The following EFTUD2 variants were observed in gnomAD, a reference collection of about 807,000 sequenced individuals.
EFTUD2 encodes the protein 116 kDa U5 small nuclear ribonucleoprotein component.
EFTUD2 carries 9 observed loss-of-function variants against 114.3 expected under a neutral mutation model. That is an observed-to-expected ratio of 0.08 (90% CI 0.05 to 0.14). The LOEUF (loss-of-function observed/expected upper bound fraction) is 0.14, where lower values mean the gene tolerates loss of function less well. Ranked by LOEUF, EFTUD2 falls within the 10% of genes least tolerant of loss-of-function variation. The probability of loss-of-function intolerance (pLI) is 1.00; values close to 1 mark genes in which losing one functional copy is unlikely to be tolerated. For synonymous variants in EFTUD2, 449 were observed against 462.3 expected (o/e 0.97, Z 0.37); for missense variants, 765 against 1,241.2 (o/e 0.62, Z 5.76).
rs757583227 is a variant in EFTUD2, at chr17:44,885,305, T to C, written c.301A>G (p.Lys101Glu). The C allele has an allele frequency of 1.2e-6, 2 of 1,614,056 alleles. No homozygotes were observed. Among genetic ancestry groups the C allele is most frequent in the South Asian group, 2.2e-5 (2 of 91,088 alleles). Residue 101 changes from lysine (K) to glutamate (E), a missense_variant, in exon 4 of 28, where the codon AAA (lysine) becomes GAA (glutamate). Lys to Glu is a moderately conservative substitution (Grantham distance 56, BLOSUM62 1). Coordinates refer to ENST00000426333, the MANE Select transcript of EFTUD2 (RefSeq NM_004247.4). ...AATGTCTGCTCCATCAGAGTGAATT[T>C]CTTGGTTTTCACTGGCTTAATAATG... ...EPIIKPVKTK[K>E]FTLMEQTLPV...
chr17:44,896,245 C>G (rs1017647889), intron 1 of EFTUD2, among the ~76,000 whole-genome samples: 1 of 152,190 alleles, frequency 6.6e-6, no homozygotes, highest in Non-Finnish European at 1.5e-5. Context: ...TTCAAAGAAA[C>G]AGTTCAAATG....
chr17:44,867,772 GAGC>G (rs746138077), intron 13 of EFTUD2, 32 bp downstream of exon 13: 40 of 1,498,812 alleles, frequency 2.7e-5, no homozygotes, highest in Non-Finnish European at 3.1e-5. Flanking sequence ...GTGCTTATAA[GAGC>G]AGATCTGCCC....
In EFTUD2 at chr17:44,852,506, G is replaced by C; in HGVS notation, c.2618C>G (p.Ala873Gly). ...AAAAGAGTCGATGGCCGGGATAAAA[G>C]CTTTGATGGTGTACAGAGGGGAGCC... ...IPGSPLYTIK[A>G]FIPAIDSFGF... Residue 873 changes from alanine (A) to glycine (G), a missense_variant, in exon 26 of 28, where the codon GCT becomes GGT. Physicochemically the swap from Ala to Gly is moderately conservative, Grantham distance 60 (BLOSUM62 0). Coordinates refer to ENST00000426333, the MANE Select transcript of EFTUD2 (RefSeq NM_004247.4). 1 of 1,614,180 alleles carries C rather than the reference G, an allele frequency of 6.2e-7. No homozygotes were observed. The highest frequency in any genetic ancestry group is 8.5e-7 in the Non-Finnish European group (1 of 1,180,040).
chr17:44,854,106 A>G lies in EFTUD2; in HGVS notation c.2347+163T>C. 2 of 1,441,882 alleles carry G rather than the reference A, an allele frequency of 1.4e-6. No homozygotes were observed. The highest frequency in any genetic ancestry group is 1.8e-6 in the Non-Finnish European group (2 of 1,093,030). The allele number at this position is 1,441,882 out of a possible 1,614,324, so 89.3% of individuals were successfully genotyped here. Reference sequence around the variant, plus strand: ...TCCATTTCCAGGCTACACCACCAGGATAAGGAAGGAAAAGGGAAGAAGCTG... The same window carrying G: ...TCCATTTCCAGGCTACACCACCAGGGTAAGGAAGGAAAAGGGAAGAAGCTG... On this transcript the variant is annotated intron_variant, in intron 23 of 27. Coordinates refer to ENST00000426333, the MANE Select transcript of EFTUD2 (RefSeq NM_004247.4). The surrounding 1 kb of genome is among the most constrained non-coding windows in gnomAD (Gnocchi z 4.3).
intron 6 of EFTUD2, among the ~76,000 whole-genome samples, chr17:44,882,349 T>C (rs904342525): frequency 2.0e-5 from 3 of 152,132 alleles, no homozygotes; most frequent in African/African-American, 7.2e-5. Flanking sequence ...CCACCCAGGT[T>C]CAAGCGATTC....
At chr17:44,870,872 G>A (rs1371495131) in intron 11 of EFTUD2, among the ~76,000 whole-genome samples, 1 of 151,990 alleles carries the variant, frequency 6.6e-6, no homozygotes, top group Non-Finnish European at 1.5e-5. Flanking sequence ...ACAAAAATTA[G>A]CTGGGCATGG....
chr17:44,892,797 C>A (rs999133767), intron 2 of EFTUD2, among the ~76,000 whole-genome samples: 4 of 151,818 alleles, frequency 2.6e-5, no homozygotes, highest in Non-Finnish European at 5.9e-5. Flanking sequence ...ACCACCACAC[C>A]CAGCTAATTT....
rs368015101 is a variant in EFTUD2, at chr17:44,894,541, A to T, written c.-4-16T>A. The T allele has an allele frequency of 6.3e-7, 1 of 1,588,606 alleles. No individual in the cohort carries two copies. Among genetic ancestry groups the T allele is most frequent in the South Asian group, 1.1e-5 (1 of 90,570 alleles). On this transcript the variant is annotated splice_polypyrimidine_tract_variant and intron_variant, in intron 1 of 27. Transcript: ENST00000426333. ...ATCCATGATGCTAAAATTCAAGGAG[A>T]GAAGAGTTAGATTCTGACAAGGTAA...
chr17:44,875,996 C>A lies in EFTUD2; in HGVS notation c.807G>T (p.Leu269=). The A allele has an allele frequency of 6.2e-7, 1 of 1,614,144 alleles. No homozygotes were observed. Among genetic ancestry groups the A allele is most frequent in the Non-Finnish European group, 8.5e-7 (1 of 1,180,044 alleles). ...GCTTGTAATAAGCATCAGTTGGAGGCAGCTTCAGCTCCAGGATCAGCCGGT... is the reference window on the plus strand; with the variant it reads ...GCTTGTAATAAGCATCAGTTGGAGGAAGCTTCAGCTCCAGGATCAGCCGGT... ...KIDRLILELK[L]PPTDAYYKLR... Residue 269 remains leucine (L), a synonymous_variant, in exon 10 of 28, where the codon CTG becomes CTT. Coordinates refer to ENST00000426333, the MANE Select transcript of EFTUD2 (RefSeq NM_004247.4).
chr17:44,853,440 C>T (rs1350914182), intron 24 of EFTUD2, 50 bp from the exon 25 acceptor site: 2 of 1,611,884 alleles, frequency 1.2e-6, no homozygotes, highest in Non-Finnish European at 1.7e-6. Flanking sequence ...AGGCTGGGGG[C>T]CTATAGTCCC....
At chr17:44,884,140 C>A in intron 4 of EFTUD2, 1 of 175,616 alleles carries the variant, frequency 5.7e-6, no homozygotes, top group Non-Finnish European at 1.2e-5. Flanking sequence ...CAGAGGCTCA[C>A]GCCTGTAATC....
In EFTUD2 at chr17:44,850,618, T is replaced by C. The variant is rs141840096; in HGVS notation, c.*656A>G. On this transcript the variant is annotated 3_prime_UTR_variant, in exon 28 of 28. Coordinates refer to ENST00000426333, the MANE Select transcript of EFTUD2 (RefSeq NM_004247.4). Reference sequence around the variant, plus strand: ...GGAAGATTCTTAGGGGAGGCAGCAGTTTCCTGAGGAGGTGGTGGGGTAGAC... The same window carrying C: ...GGAAGATTCTTAGGGGAGGCAGCAGCTTCCTGAGGAGGTGGTGGGGTAGAC... 3,037 of 476,752 alleles carry C rather than the reference T, an allele frequency of 6.4e-3. 16 individuals carry two copies. The highest frequency in any genetic ancestry group is 0.017 in the Middle Eastern group (30 of 1,738). 29.5% of individuals were successfully genotyped at this position (476,752 alleles called of 1,614,324 possible).
At chr17:44,879,514 C>T (rs773849496) in intron 9 of EFTUD2, 42 bp downstream of exon 9, 31 of 1,605,114 alleles carry the variant, frequency 1.9e-5, no homozygotes, top group Non-Finnish European at 2.4e-5. Context: ...TGGGGGCAAA[C>T]ATAACAGGTG....
intron 1 of EFTUD2, 24 bp from the exon 2 acceptor site, chr17:44,894,549 T>G: frequency 6.3e-7 from 1 of 1,579,488 alleles, no homozygotes; most frequent in Non-Finnish European, 8.7e-7. Flanking sequence ...AGAGAAGAGT[T>G]AGATTCTGAC....
At position 44,876,040 on chromosome 17, in the gene EFTUD2, C is replaced by T. The variant is rs2050941796; in HGVS notation, c.763G>A (p.Val255Met). 1.2e-6 allele frequency: 2 copies of T among 1,614,052 alleles called. No homozygotes were observed. Among genetic ancestry groups the T allele is most frequent in the East Asian group, 2.2e-5 (1 of 44,886 alleles). The change falls in exon 10 of 28, where the codon GTG (valine) becomes ATG (methionine). Residue 255 changes from valine to methionine, a missense_variant. Physicochemically the swap from Val to Met is conservative, Grantham distance 21. Coordinates refer to ENST00000426333, the MANE Select transcript of EFTUD2 (RefSeq NM_004247.4). ...HAVQERLAVTVCINKIDRLIL... is the reference protein window; with the variant it reads ...HAVQERLAVTMCINKIDRLIL... ...AGCCGGTCAATCTTGTTGATGCACA[C>T]AGTGACTGCCAGCCTCTCCTGCACC...
At chr17:44,852,270 G>A in intron 26 of EFTUD2, 139 bp downstream of exon 26, 1 of 1,056,116 alleles carries the variant, frequency 9.5e-7, no homozygotes, top group Non-Finnish European at 1.3e-6. Context: ...AAGTTGCCCT[G>A]AATATATGCT....
rs547704677 is a variant in EFTUD2 at position 44,880,783 on chromosome 17, C to T, written c.529-139G>A. 4 of 599,734 alleles carry T rather than the reference C, an allele frequency of 6.7e-6. No individual in the cohort carries two copies. The South Asian group carries it at 8.3e-5, about 13-fold the overall frequency. 37.2% of individuals were successfully genotyped at this position (599,734 alleles called of 1,614,324 possible). ...GATTTTTATCTAGGCCTCTAGCCAG[C>T]ATGACCTTGAAGATAAAATATCTTG... is the stretch of plus-strand genomic sequence containing the variant. On this transcript the variant is annotated intron_variant, in intron 7 of 27. Coordinates refer to ENST00000426333, the MANE Select transcript of EFTUD2 (RefSeq NM_004247.4).
chr17:44,888,946 A>G (rs1462441959), intron 2 of EFTUD2, among the ~76,000 whole-genome samples: 2 of 151,748 alleles, frequency 1.3e-5, no homozygotes, highest in Non-Finnish European at 2.9e-5. Flanking sequence ...AAGTTATTTG[A>G]TAGACTGGAT....
intron 10 of EFTUD2, among the ~76,000 whole-genome samples, chr17:44,873,892 C>G (rs532430267): frequency 6.6e-6 from 1 of 151,314 alleles, no homozygotes; most frequent in Non-Finnish European, 1.5e-5. Context: ...CCACCAAGCC[C>G]GGCTAATTTT....
Sources: allele counts gnomAD v4.1 joint callset (sites outside exome capture counted in the v4.1 genomes callset), GRCh38; gene constraint gnomAD v4.1.1; non-coding constraint Gnocchi (gnomAD v3.1); transcripts MANE v1.5; gene names NCBI Gene and HGNC (gene_info 2026-07-23, HGNC 2026-07-21).